PPP2R5A: variants seen among roughly 807,000 people sequenced by gnomAD.
PPP2R5A encodes protein phosphatase 2 regulatory subunit B'alpha.
Under a neutral mutation model 64.2 loss-of-function variants are expected in PPP2R5A, and 25 were observed. The ratio of observed to expected loss-of-function variants is 0.39; its 90% confidence interval spans 0.28 to 0.54. The LOEUF is 0.54. PPP2R5A is among the 20% of genes least tolerant of loss of function. The pLI is 0.67. For missense variants in PPP2R5A, 425 were observed against 576.3 expected, an observed-to-expected ratio of 0.74 and a Z score of 2.69; for synonymous variants, 198 against 201.2, an observed-to-expected ratio of 0.98 and a Z score of 0.13.
chr1:212,288,052 C>T (rs370055668), intron 1 of PPP2R5A, among the ~76,000 whole-genome samples: 1 of 151,942 alleles, frequency 6.6e-6, no homozygotes, highest in Non-Finnish European at 1.5e-5. Context: ...TTTTCACTTT[C>T]GTTGCTCAGG....
intron 2 of PPP2R5A, among the ~76,000 whole-genome samples, chr1:212,330,230 A>G (rs1262607671): frequency 6.6e-6 from 1 of 152,162 alleles, no homozygotes; most frequent in Admixed American, 6.5e-5. Flanking sequence ...TACTAACAAA[A>G]TATAAAAATT....
intron 1 of PPP2R5A, among the ~76,000 whole-genome samples, chr1:212,297,058 C>G (rs2358448): frequency 6.8e-6 from 1 of 146,056 alleles, no homozygotes; most frequent in South Asian, 2.2e-4. Context: ...AGAACCTTAT[C>G]AAGAGAAATA....
At chr1:212,288,048 CT>C (rs1309023835) in intron 1 of PPP2R5A, among the ~76,000 whole-genome samples, 3 of 151,962 alleles carry the variant, frequency 2.0e-5, no homozygotes, top group African/African-American at 7.3e-5. Context: ...TATTTTTTCA[CT>C]TTCGTTGCTC....
At chr1:212,348,356 C>T (rs374283760) in intron 6 of PPP2R5A, 33 bp from the exon 7 acceptor site, 33 of 1,391,372 alleles carry the variant, frequency 2.4e-5, no homozygotes, top group Admixed American at 3.4e-5. Flanking sequence ...GTAGTAACTA[C>T]TTAACCCTTC....
intron 12 of PPP2R5A, among the ~76,000 whole-genome samples, chr1:212,360,303 T>G (rs527336266): frequency 2.0e-5 from 3 of 152,196 alleles, no homozygotes; most frequent in Non-Finnish European, 4.4e-5. Flanking sequence ...TTTGTAATAC[T>G]GATTAGACTA....
At chr1:212,313,608 T>C (rs959908396) in intron 1 of PPP2R5A, among the ~76,000 whole-genome samples, 3 of 152,086 alleles carry the variant, frequency 2.0e-5, no homozygotes, top group Non-Finnish European at 4.4e-5. Flanking sequence ...GAAGGAAGGA[T>C]CTAATTTTAA....
intron 3 of PPP2R5A, among the ~76,000 whole-genome samples, chr1:212,336,926 G>A (rs1659601712): frequency 6.6e-6 from 1 of 152,190 alleles, no homozygotes; most frequent in Admixed American, 6.5e-5. Flanking sequence ...TAATGAGGGA[G>A]TAATTACAAG....
In PPP2R5A at chr1:212,285,951, CGAG is replaced by C. The variant is rs943346136; in HGVS notation, c.-156_-154del. The C allele has an allele frequency of 1.1e-4, 72 of 643,258 alleles. No individual in the cohort carries two copies. Among genetic ancestry groups the C allele is most frequent in the Non-Finnish European group, 1.4e-4 (62 of 434,866 alleles). 39.8% of individuals were successfully genotyped at this position (643,258 alleles called of 1,614,324 possible). ...GTGGCCGTGAGGCGTTGGCGGGCGG[CGAG>C]GAGAAGCTCGGCGGCGTCCCGGGGC... On this transcript the variant is annotated 5_prime_UTR_variant, in exon 1 of 13. Transcript: ENST00000261461.
In PPP2R5A at chr1:212,307,225, G is replaced by A. The variant is rs956260446; in HGVS notation, c.181+20934G>A. On this transcript the variant is annotated intron_variant, in intron 1 of 12. Transcript: ENST00000261461. ...ATTTTCTAATGCAGCATTTAAACTT[G>A]TGTAATGATTATTTTTCACTACATA... 2.7e-5 allele frequency among the ~76,000 whole-genome samples: 4 copies of A among 147,712 alleles called. No individual in the cohort carries two copies. In the East Asian group the frequency reaches 7.8e-4, roughly 29 times the overall value.
chr1:212,303,047 T>C (rs1236849646), intron 1 of PPP2R5A, among the ~76,000 whole-genome samples: 1 of 152,164 alleles, frequency 6.6e-6, no homozygotes, highest in African/African-American at 2.4e-5. Context: ...AATGCTGCTA[T>C]GAACATTTGT....
intron 1 of PPP2R5A, among the ~76,000 whole-genome samples, chr1:212,307,312 T>C (rs1422227255): frequency 2.0e-5 from 3 of 152,110 alleles, no homozygotes; most frequent in African/African-American, 7.2e-5. Context: ...TTTTAACTTA[T>C]TAGAATCAGC....
At chr1:212,348,545 C>A in intron 7 of PPP2R5A, 48 bp downstream of exon 7, 2 of 1,277,054 alleles carry the variant, frequency 1.6e-6, no homozygotes, top group Non-Finnish European at 2.2e-6. Context: ...TTTCAAAGGC[C>A]AATATAAAGG....
chr1:212,309,838 C>A (rs1380937893), intron 1 of PPP2R5A, among the ~76,000 whole-genome samples: 1 of 152,038 alleles, frequency 6.6e-6, no homozygotes, highest in Non-Finnish European at 1.5e-5. Context: ...AAAAAAAGTT[C>A]ATGCATAATT....
At chr1:212,331,342 T>G (rs959197307) in intron 2 of PPP2R5A, 18 of 151,058 alleles carry the variant, frequency 1.2e-4, no homozygotes, top group African/African-American at 4.1e-4. Context: ...TTCATTTTTT[T>G]TTTTTTTTTT....
At chr1:212,301,952 C>A (rs1658805602) in intron 1 of PPP2R5A, 2 of 1,342,272 alleles carry the variant, frequency 1.5e-6, no homozygotes, top group South Asian at 1.7e-5. Context: ...AGAAATGATT[C>A]CTGCTACTTC....
chr1:212,349,314 C>A, intron 8 of PPP2R5A, 72 bp downstream of exon 8: 4 of 1,142,802 alleles, frequency 3.5e-6, no homozygotes, highest in South Asian at 1.7e-5. Context: ...CGTTTTATAG[C>A]CTTTATAGTT....
chr1:212,335,811 T>G (rs901314391), intron 3 of PPP2R5A, among the ~76,000 whole-genome samples: 1 of 152,258 alleles, frequency 6.6e-6, no homozygotes, highest in Admixed American at 6.5e-5. Flanking sequence ...ATATTCTCAT[T>G]AGCTGATAAG....
chr1:212,321,407 CGGA>C (rs1321175895), intron 1 of PPP2R5A, among the ~76,000 whole-genome samples: 1 of 151,678 alleles, frequency 6.6e-6, no homozygotes, highest in Admixed American at 6.5e-5. Context: ...GGCTGCCAGG[CGGA>C]GACGCTCCTC....
rs555487690 is a variant in PPP2R5A, at chr1:212,332,233, T to G, written c.379-1264T>G. Among the ~76,000 whole-genome samples, 27 of 152,338 alleles carry G rather than the reference T, an allele frequency of 1.8e-4. No homozygotes were observed. In the East Asian group the frequency reaches 5.0e-3, roughly 28 times the overall value. ...ATTAAGTCTTAACGGTTACAGTAATTGACTATTAGCAGTTAATTTGTGTAC... is the reference window on the plus strand; with the variant it reads ...ATTAAGTCTTAACGGTTACAGTAATGGACTATTAGCAGTTAATTTGTGTAC... On this transcript the variant is annotated intron_variant, in intron 2 of 12. Transcript: ENST00000261461.
Sources: allele counts gnomAD v4.1 joint callset (sites outside exome capture counted in the v4.1 genomes callset), GRCh38; gene constraint gnomAD v4.1.1; transcripts MANE v1.5; gene names NCBI Gene and HGNC (gene_info 2026-07-23, HGNC 2026-07-21).